CAMSAP3: variants seen among roughly 807,000 people sequenced by gnomAD.
CAMSAP3 encodes the protein calmodulin-regulated spectrin-associated protein 3.
In CAMSAP3, 34 loss-of-function variants were observed where a neutral mutation model predicts 112.5. The observed-to-expected ratio is 0.30, with a 90% CI of 0.23 to 0.40. The LOEUF (loss-of-function observed/expected upper bound fraction) is 0.40. Ranked by LOEUF, CAMSAP3 falls within the 10% of genes least tolerant of loss-of-function variation. CAMSAP3 has a pLI of 1.00. For synonymous variants in CAMSAP3, 868 were observed against 799.8 expected (o/e 1.09, Z -1.44); for missense variants, 1,602 against 1,770.3 (o/e 0.90, Z 1.71).
At position 7,615,834 on chromosome 19, in the gene CAMSAP3, G is replaced by T; in HGVS notation, c.3112+115G>T. ...AGATGTAAGCAGGGGTGCCGGGAGGGGGCGGGTATGTGGGGTGACAGGGGG... is the reference window on the plus strand; with the variant it reads ...AGATGTAAGCAGGGGTGCCGGGAGGTGGCGGGTATGTGGGGTGACAGGGGG... On this transcript the variant is annotated intron_variant, in intron 13 of 16. Transcript: ENST00000160298. This position sits in a 1 kb window ranked among gnomAD's most constrained non-coding sequence, Gnocchi z 6.5. The T allele has an allele frequency of 1.5e-6, 1 of 651,022 alleles. No homozygotes were observed. Among genetic ancestry groups the T allele is most frequent in the Non-Finnish European group, 2.2e-6 (1 of 458,304 alleles). 40.3% of individuals were successfully genotyped at this position (651,022 alleles called of 1,614,324 possible).
chr19:7,599,639 T>C (rs1204875742), intron 1 of CAMSAP3, among the ~76,000 whole-genome samples: 6 of 13,430 alleles, frequency 4.5e-4, no homozygotes, highest in Admixed American at 1.1e-3. Flanking sequence ...CACTCATCCA[T>C]CCACCCACCC....
intron 1 of CAMSAP3, among the ~76,000 whole-genome samples, chr19:7,599,474 C>CTG (rs1244747417): frequency 2.0e-5 from 2 of 101,604 alleles, no homozygotes; most frequent in Admixed American, 1.1e-4. Context: ...CCCACCCACC[C>CTG]CACTCATCCA....
Position 7,612,646 on chromosome 19 carries a change from A to G in CAMSAP3, c.2153A>G (p.Gln718Arg), listed in dbSNP as rs940616194. 2 of 1,518,316 alleles carry G rather than the reference A, an allele frequency of 1.3e-6. No individual in the cohort carries two copies. Among genetic ancestry groups the G allele is most frequent in the Non-Finnish European group, 1.8e-6 (2 of 1,134,506 alleles). 94.1% of individuals were successfully genotyped at this position (1,518,316 alleles called of 1,614,324 possible). ...AALSSLQRDM[Q>R]RLTDQQQRLL... ...TTGAGCTCGCTGCAGCGGGACATGC[A>G]GAGGCTCACGGACCAGCAGCAGCGG... is the stretch of plus-strand genomic sequence containing the variant. Residue 718 changes from glutamine to arginine, a missense_variant, in exon 11 of 17, where the codon CAG becomes CGG. This residue lies in a region of CAMSAP3 where 1,100 missense variants were observed against 1,135.7 expected (regional missense o/e 0.97). Coordinates refer to ENST00000160298, the MANE Select transcript of CAMSAP3 (RefSeq NM_020902.2).
chr19:7,615,331 G>A lies in CAMSAP3; in HGVS notation c.2810+9G>A, dbSNP rs1285779060. ...AGGGAGGAGGCCGCGAGGTGAGGCC[G>A]GGCCTGCCCGGGACGCCCGCTCCTT... is the stretch of plus-strand genomic sequence containing the variant. On this transcript the variant is annotated intron_variant, in intron 12 of 16. Coordinates refer to ENST00000160298, the MANE Select transcript of CAMSAP3 (RefSeq NM_020902.2). This position sits in a 1 kb window ranked among gnomAD's most constrained non-coding sequence, Gnocchi z 6.5. The A allele has an allele frequency of 1.6e-5, 25 of 1,540,694 alleles. No individual in the cohort carries two copies. In the South Asian group the frequency reaches 2.2e-4, roughly 13 times the overall value.
chr19:7,613,174 G>C lies in CAMSAP3; in HGVS notation c.2670+11G>C. 4.0e-6 allele frequency: 6 copies of C among 1,483,440 alleles called. No homozygotes were observed. The highest frequency in any genetic ancestry group is 5.4e-6 in the Non-Finnish European group (6 of 1,106,804). The allele number at this position is 1,483,440 out of a possible 1,614,324, so 91.9% of individuals were successfully genotyped here. On this transcript the variant is annotated intron_variant, in intron 11 of 16. Coordinates refer to ENST00000160298, the MANE Select transcript of CAMSAP3 (RefSeq NM_020902.2). Reference sequence around the variant, plus strand: ...GGGTTCTTCTACAAGGTGAGTCCCCGAGCAGGTGGCTGGAGGGTCCTGGGC... The same window carrying C: ...GGGTTCTTCTACAAGGTGAGTCCCCCAGCAGGTGGCTGGAGGGTCCTGGGC...
Position 7,613,091 on chromosome 19 carries a change from T to C in CAMSAP3, c.2598T>C (p.Gly866=). ...AEDEGDGSPA[G]AEDSLEEEAS... ...ACGAGGGAGACGGGAGCCCCGCTGGTGCTGAGGATTCCTTGGAGGAGGAGG... is the reference window on the plus strand; with the variant it reads ...ACGAGGGAGACGGGAGCCCCGCTGGCGCTGAGGATTCCTTGGAGGAGGAGG... The change falls in exon 11 of 17, where the codon GGT becomes GGC. Residue 866 remains glycine (G), a synonymous_variant. Transcript: ENST00000160298. The C allele has an allele frequency of 6.5e-7, 1 of 1,546,176 alleles. No individual in the cohort carries two copies. Among genetic ancestry groups the C allele is most frequent in the African/African-American group, 1.4e-5 (1 of 72,504 alleles).
Position 7,607,553 on chromosome 19 carries a change from C to T in CAMSAP3, c.622-573C>T, listed in dbSNP as rs2030280876. ...GGTTGGGAGGTTCCCTTCCTGCCTA[C>T]CCGCTTCCTCTGCATCCTCTCCCCA... On this transcript the variant is annotated intron_variant, in intron 4 of 16. Transcript: ENST00000160298. This position sits in a 1 kb window ranked among gnomAD's most constrained non-coding sequence, Gnocchi z 4.9. Among the ~76,000 whole-genome samples, 1 of 152,144 alleles carries T rather than the reference C, an allele frequency of 6.6e-6. No individual in the cohort carries two copies. Among genetic ancestry groups the T allele is most frequent in the Admixed American group, 6.5e-5 (1 of 15,284 alleles).
At position 7,615,367 on chromosome 19, in the gene CAMSAP3, C is replaced by G; in HGVS notation, c.2810+45C>G. 6.5e-7 allele frequency: 1 copy of G among 1,531,516 alleles called. No individual in the cohort carries two copies. Among genetic ancestry groups the G allele is most frequent in the Non-Finnish European group, 8.8e-7 (1 of 1,136,354 alleles). The allele number at this position is 1,531,516 out of a possible 1,614,324, so 94.9% of individuals were successfully genotyped here. A position where few individuals can be genotyped will look rare whatever the true frequency, so the allele number is the denominator to read the frequency against. On this transcript the variant is annotated intron_variant, in intron 12 of 16. Coordinates refer to ENST00000160298, the MANE Select transcript of CAMSAP3 (RefSeq NM_020902.2). This position sits in a 1 kb window ranked among gnomAD's most constrained non-coding sequence, Gnocchi z 6.5. ...GGACGCCCGCTCCTTGGCCTGTCTGCCACCGCGGACCCCGTGAGCGGTTCT... is the reference window on the plus strand; with the variant it reads ...GGACGCCCGCTCCTTGGCCTGTCTGGCACCGCGGACCCCGTGAGCGGTTCT...
In CAMSAP3 at chr19:7,610,146, A is replaced by G. The variant is rs918658574; in HGVS notation, c.761-330A>G. ...ATCCTGGCTAACACGGTGAAACCCC[A>G]TCTCTACTAAAACCACAAAAAATTA... On this transcript the variant is annotated intron_variant, in intron 5 of 16. Coordinates refer to ENST00000160298, the MANE Select transcript of CAMSAP3 (RefSeq NM_020902.2). This position sits in a 1 kb window ranked among gnomAD's most constrained non-coding sequence, Gnocchi z 4.9. Among the ~76,000 whole-genome samples the G allele has an allele frequency of 2.0e-5, 3 of 151,918 alleles. No homozygotes were observed. The East Asian group carries it at 5.8e-4, about 29-fold the overall frequency.
At chr19:7,613,223 G>T (rs1465685274) in intron 11 of CAMSAP3, 60 bp downstream of exon 11, 28 of 853,282 alleles carry the variant, frequency 3.3e-5, no homozygotes, top group Non-Finnish European at 3.8e-5. Flanking sequence ...GGGTGGGGGC[G>T]GGGGGAGGTG....
intron 4 of CAMSAP3, chr19:7,606,824 C>T (rs1256490342): frequency 1.2e-6 from 2 of 1,613,660 alleles, no homozygotes; most frequent in South Asian, 1.1e-5. Context: ...GTGGGGCTGT[C>T]TGTCCGCCCC....
In CAMSAP3 at chr19:7,610,513, C is replaced by T. The variant is rs1251084559; in HGVS notation, c.798C>T (p.Ser266=). ...CLKDPMSVAD[S]LYNLQLVQDF... is the part of the protein sequence containing the mutation. ...AGGACCCCATGTCTGTGGCGGACAG[C>T]CTGTACAACCTCCAGCTCGTGCAGG... The change falls in exon 6 of 17, where the codon AGC becomes AGT. Residue 266 remains serine (S), a synonymous_variant. Coordinates refer to ENST00000160298, the MANE Select transcript of CAMSAP3 (RefSeq NM_020902.2). The surrounding 1 kb of genome is among the most constrained non-coding windows in gnomAD (Gnocchi z 4.9). The T allele has an allele frequency of 3.1e-6, 5 of 1,613,582 alleles. No individual in the cohort carries two copies. The highest frequency in any genetic ancestry group is 1.3e-5 in the African/African-American group (1 of 75,018).
At chr19:7,597,353 G>A (rs1484125419) in intron 1 of CAMSAP3, among the ~76,000 whole-genome samples, 1 of 152,130 alleles carries the variant, frequency 6.6e-6, no homozygotes. Flanking sequence ...AAAGAGATTG[G>A]GCATTGGACA....
At position 7,607,480 on chromosome 19, in the gene CAMSAP3, G is replaced by T. The variant is rs1468657811; in HGVS notation, c.622-646G>T. Among the ~76,000 whole-genome samples the T allele has an allele frequency of 6.6e-6, 1 of 152,196 alleles. No homozygotes were observed. The highest frequency in any genetic ancestry group is 1.5e-5 in the Non-Finnish European group (1 of 68,022). On this transcript the variant is annotated intron_variant, in intron 4 of 16. Coordinates refer to ENST00000160298, the MANE Select transcript of CAMSAP3 (RefSeq NM_020902.2). The surrounding 1 kb of genome is among the most constrained non-coding windows in gnomAD (Gnocchi z 4.9). ...GAGGAAGTGGGGGAGGTTTTGGGCT[G>T]GCTGGCGTCCCCACCTTTGCTCACT... is the stretch of plus-strand genomic sequence containing the variant.
Position 7,617,613 on chromosome 19 carries a change from C to T in CAMSAP3, c.3396C>T (p.Cys1132=). The change falls in exon 16 of 17, where the codon TGC becomes TGT. Residue 1132 remains cysteine (C), a synonymous_variant. Coordinates refer to ENST00000160298, the MANE Select transcript of CAMSAP3 (RefSeq NM_020902.2). This position sits in a 1 kb window ranked among gnomAD's most constrained non-coding sequence, Gnocchi z 7.5. Reference sequence around the variant, plus strand: ...TCATCCACAATGCCCTATCACACTGCTGCCTGGCGGGCAAGGTGAACGAAC... The same window carrying T: ...TCATCCACAATGCCCTATCACACTGTTGCCTGGCGGGCAAGGTGAACGAAC... ...KFIIHNALSH[C]CLAGKVNEPQ... 1 of 1,614,224 alleles carries T rather than the reference C, an allele frequency of 6.2e-7. No individual in the cohort carries two copies. The highest frequency in any genetic ancestry group is 8.5e-7 in the Non-Finnish European group (1 of 1,180,040).
rs949499294 is a variant in CAMSAP3, at chr19:7,607,251, A to G, written c.621+680A>G. ...CTCTGGCCAAGGGGAAGACCCTCCAATGCAGAAGAAGATAGAATAACTTTC... is the reference window on the plus strand; with the variant it reads ...CTCTGGCCAAGGGGAAGACCCTCCAGTGCAGAAGAAGATAGAATAACTTTC... On this transcript the variant is annotated intron_variant, in intron 4 of 16. Coordinates refer to ENST00000160298, the MANE Select transcript of CAMSAP3 (RefSeq NM_020902.2). The surrounding 1 kb of genome is among the most constrained non-coding windows in gnomAD (Gnocchi z 4.9). 3.9e-5 allele frequency among the ~76,000 whole-genome samples: 6 copies of G among 152,172 alleles called. No homozygotes were observed. The highest frequency in any genetic ancestry group is 7.3e-5 in the Non-Finnish European group (5 of 68,034).
Position 7,617,801 on chromosome 19 carries a change from C to T in CAMSAP3, c.3494C>T (p.Ser1165Leu), listed in dbSNP as rs2030890426. Residue 1165 changes from serine to leucine, a missense_variant, in exon 17 of 17, where the codon TCG becomes TTG. By Grantham distance (145) the Ser-to-Leu change is moderately radical. Around this residue, in one of 6 missense-constraint regions of CAMSAP3, gnomAD observed 150 missense variants for 207.6 expected, o/e 0.72. Coordinates refer to ENST00000160298, the MANE Select transcript of CAMSAP3 (RefSeq NM_020902.2). This position sits in a 1 kb window ranked among gnomAD's most constrained non-coding sequence, Gnocchi z 7.5. ...ANHFLILFRD[S>L]SCQFRALYTL... ...CACTTCCTGATCCTCTTTCGCGACT[C>T]GAGCTGCCAGTTCCGGGCGCTCTAC... 4.3e-6 allele frequency: 7 copies of T among 1,613,280 alleles called. No individual in the cohort carries two copies. Among genetic ancestry groups the T allele is most frequent in the East Asian group, 2.2e-5 (1 of 44,834 alleles).
Position 7,611,038 on chromosome 19 carries a change from G to A in CAMSAP3, c.1050-57G>A. The A allele has an allele frequency of 1.2e-6, 2 of 1,605,362 alleles. No homozygotes were observed. Among genetic ancestry groups the A allele is most frequent in the Non-Finnish European group, 8.5e-7 (1 of 1,173,026 alleles). The stretch of plus-strand genomic sequence containing the variant: ...TGGGTGATGCTGTTGTCTCCCCCCG[G>A]GGAGAGGCGGAGGAGGAGGTGGGGG... On this transcript the variant is annotated intron_variant, in intron 8 of 16. Transcript: ENST00000160298. This position sits in a 1 kb window ranked among gnomAD's most constrained non-coding sequence, Gnocchi z 6.9.
At position 7,606,536 on chromosome 19, in the gene CAMSAP3, G is replaced by T; in HGVS notation, c.586G>T (p.Ala196Ser). Residue 196 changes from alanine (A) to serine (S), a missense_variant, in exon 4 of 17, where the codon GCC (alanine) becomes TCC (serine). Transcript: ENST00000160298. ...QEAAQRASPAAPADGAAPAQP... is the reference protein window; with the variant it reads ...QEAAQRASPASPADGAAPAQP... ...AGCGGCCCAGCGAGCCTCTCCAGCA[G>T]CCCCTGCAGACGGGGCGGCCCCGGC... 2 of 1,554,910 alleles carry T rather than the reference G, an allele frequency of 1.3e-6. No individual in the cohort carries two copies. The highest frequency in any genetic ancestry group is 1.2e-5 in the South Asian group (1 of 86,396).
Sources: gnomAD v4.1 joint callset for allele counts (sites outside exome capture counted in the v4.1 genomes callset) on GRCh38, gnomAD v4.1.1 for gene constraint, gnomAD v4.1.1 regional missense constraint, Gnocchi (gnomAD v3.1) non-coding constraint, MANE v1.5 for transcripts, NCBI Gene and HGNC (gene_info 2026-07-23, HGNC 2026-07-21) for gene names.